TRDN: variants seen among roughly 807,000 people sequenced by gnomAD.
TRDN encodes triadin in skeletal muscle.
A neutral mutation model predicts 149.7 loss-of-function variants in TRDN; 161 were observed. The ratio of observed to expected loss-of-function variants is 1.08; its 90% CI spans 0.95 to 1.23. The LOEUF is 1.23. Ranked by LOEUF, TRDN falls within the 50% of genes most tolerant of loss-of-function variation. TRDN has a pLI of 0.00. For synonymous variants in TRDN, 294 were observed against 250.5 expected (o/e 1.17, Z -1.64); for missense variants, 896 against 823.5 (o/e 1.09, Z -1.08).
intron 1 of TRDN, among the ~76,000 whole-genome samples, chr6:123,615,537 T>TACACAC (rs59953395): frequency 0.02 from 3,054 of 149,086 alleles, 118 homozygotes; most frequent in African/African-American, 0.07. Context: ...AACATGTATA[T>TACACAC]ACACACACAC....
intron 1 of TRDN, among the ~76,000 whole-genome samples, chr6:123,595,738 C>T (rs1253925462): frequency 6.6e-6 from 1 of 152,042 alleles, no homozygotes; most frequent in African/African-American, 2.4e-5. Context: ...TCTGACGTTA[C>T]TGTTGTATTT....
At chr6:123,413,049 A>C (rs1773507624) in intron 12 of TRDN, among the ~76,000 whole-genome samples, 1 of 152,188 alleles carries the variant, frequency 6.6e-6, no homozygotes. Flanking sequence ...ATTAAAAAGA[A>C]AATAGCATGG....
intron 38 of TRDN, 31 bp from the exon 39 acceptor site, chr6:123,224,162 ACAGT>A (rs2114505531): frequency 1.2e-6 from 2 of 1,603,248 alleles, no homozygotes; most frequent in East Asian, 2.2e-5. Context: ...ACATAGAATC[ACAGT>A]CAATTTTTCA....
chr6:123,374,579 TA>T (rs1372408401), intron 19 of TRDN, among the ~76,000 whole-genome samples: 1 of 152,004 alleles, frequency 6.6e-6, no homozygotes. Flanking sequence ...TAACTTTTTT[TA>T]AAAAAAGACA....
intron 1 of TRDN, among the ~76,000 whole-genome samples, chr6:123,605,264 A>G (rs1784475746): frequency 6.8e-6 from 1 of 147,918 alleles, no homozygotes. Flanking sequence ...ATTTATATAT[A>G]AATATATATT....
chr6:123,422,637 G>A (rs1773955966), intron 12 of TRDN, among the ~76,000 whole-genome samples: 1 of 152,028 alleles, frequency 6.6e-6, no homozygotes, highest in African/African-American at 2.4e-5. Flanking sequence ...ACAAAATAGT[G>A]GGAATTCCAC....
chr6:123,257,213 C>T (rs1035513494), intron 35 of TRDN, among the ~76,000 whole-genome samples: 14 of 151,980 alleles, frequency 9.2e-5, no homozygotes, highest in African/African-American at 2.9e-4. Flanking sequence ...CTCTTGACCT[C>T]GTGATCCGCC....
At chr6:123,441,295 C>T (rs1774868145) in intron 10 of TRDN, among the ~76,000 whole-genome samples, 1 of 152,112 alleles carries the variant, frequency 6.6e-6, no homozygotes, top group South Asian at 2.1e-4. Flanking sequence ...AGTACTCTTC[C>T]CTTTCTGTCT....
intron 1 of TRDN, among the ~76,000 whole-genome samples, chr6:123,615,169 T>C (rs745441025): frequency 7.2e-5 from 11 of 152,134 alleles, no homozygotes; most frequent in Non-Finnish European, 1.3e-4. Flanking sequence ...GGCAAGGACA[T>C]GGAGAAGGGA....
chr6:123,503,720 T>C lies in TRDN; in HGVS notation c.792A>G (p.Lys264=). ...CAGCCTCCTGCTCTGAATGTTTACC[T>C]TTCTGTTCATGCTTTGACACAGCTG... ...EKAAVSKHEQ[K]DQYAFCRYMI... is the part of the protein sequence containing the mutation. The change falls in exon 8 of 41, where the codon AAA becomes AAG. Residue 264 remains lysine (K), a splice_region_variant and synonymous_variant. Transcript: ENST00000334268. 1 of 1,613,724 alleles carries C rather than the reference T, an allele frequency of 6.2e-7. No homozygotes were observed. The highest frequency in any genetic ancestry group is 8.5e-7 in the Non-Finnish European group (1 of 1,179,792).
chr6:123,446,057 T>TA (rs1360010348), intron 10 of TRDN, among the ~76,000 whole-genome samples: 1 of 151,440 alleles, frequency 6.6e-6, no homozygotes, highest in Non-Finnish European at 1.5e-5. Flanking sequence ...TATGAAGCCA[T>TA]AAAAAATGAT....
chr6:123,281,690 T>A (rs1032105100), intron 24 of TRDN, among the ~76,000 whole-genome samples: 3 of 151,998 alleles, frequency 2.0e-5, no homozygotes, highest in Non-Finnish European at 4.4e-5. Context: ...ATTAAGAAAA[T>A]GTTGACTTAA....
chr6:123,563,084 C>A (rs1262937530), intron 2 of TRDN, among the ~76,000 whole-genome samples: 1 of 152,156 alleles, frequency 6.6e-6, no homozygotes, highest in Non-Finnish European at 1.5e-5. Flanking sequence ...CACAAACATC[C>A]CTACTTACAA....
chr6:123,227,792 G>A (rs1226578047), intron 38 of TRDN, among the ~76,000 whole-genome samples: 1 of 151,978 alleles, frequency 6.6e-6, no homozygotes, highest in Non-Finnish European at 1.5e-5. Context: ...CTGTCACCCA[G>A]GGTGGAGTGC....
At chr6:123,533,938 A>G (rs1381957406) in intron 4 of TRDN, among the ~76,000 whole-genome samples, 7 of 152,164 alleles carry the variant, frequency 4.6e-5, no homozygotes, top group African/African-American at 1.4e-4. Context: ...TTTTTACTCT[A>G]TGGTAAGCAG....
At chr6:123,590,834 C>G (rs1783742923) in intron 1 of TRDN, among the ~76,000 whole-genome samples, 1 of 152,098 alleles carries the variant, frequency 6.6e-6, no homozygotes, top group Admixed American at 6.6e-5. Context: ...TTAACTCATC[C>G]TGAAACCATG....
chr6:123,394,443 A>T (rs1582963033), intron 12 of TRDN, among the ~76,000 whole-genome samples: 2 of 152,264 alleles, frequency 1.3e-5, no homozygotes, highest in East Asian at 3.9e-4. Flanking sequence ...TACTGTTTTC[A>T]ATTATTGAAT....
chr6:123,499,524 T>C (rs889873846), intron 8 of TRDN, among the ~76,000 whole-genome samples: 3 of 150,212 alleles, frequency 2.0e-5, no homozygotes, highest in African/African-American at 7.3e-5. Context: ...GCCAGCATAG[T>C]GAAACCCCAT....
In TRDN at chr6:123,279,039, G is replaced by C. The variant is rs369584691; in HGVS notation, c.1537+17C>G. The C allele has an allele frequency of 1.9e-6, 3 of 1,602,890 alleles. No individual in the cohort carries two copies. The highest frequency in any genetic ancestry group is 2.6e-6 in the Non-Finnish European group (3 of 1,175,264). ...ACATATGTACGTGTTTGTTTATTGA[G>C]CATGCATATAACATACGTGGAGGTT... On this transcript the variant is annotated intron_variant, in intron 25 of 40. Transcript: ENST00000334268.
Sources: allele counts gnomAD v4.1 joint callset (sites outside exome capture counted in the v4.1 genomes callset), GRCh38; gene constraint gnomAD v4.1.1; transcripts MANE v1.5; gene names NCBI Gene and HGNC (gene_info 2026-07-23, HGNC 2026-07-21).